The following FOXP4 variants were observed in gnomAD, a reference collection of about 807,000 sequenced individuals.
FOXP4 encodes forkhead box P4.
In FOXP4, 25 loss-of-function variants were observed where a neutral mutation model predicts 82.6. The observed-to-expected ratio is 0.30, with a 90% CI of 0.22 to 0.42. The LOEUF (loss-of-function observed/expected upper bound fraction) is 0.42. FOXP4 is among the 10% of genes least tolerant of loss of function. The pLI is 1.00. For missense variants in FOXP4, 785 were observed against 900.9 expected, an observed-to-expected ratio of 0.87 and a Z score of 1.65; for synonymous variants, 415 against 388.2, an observed-to-expected ratio of 1.07 and a Z score of -0.81.
At position 41,558,195 on chromosome 6, in the gene FOXP4, TCACAG is replaced by T. The variant is rs1764382161; in HGVS notation, c.-16-7549_-16-7545del. Among the ~76,000 whole-genome samples the T allele has an allele frequency of 6.6e-6, 1 of 152,114 alleles. No individual in the cohort carries two copies. Among genetic ancestry groups the T allele is most frequent in the African/African-American group, 2.4e-5 (1 of 41,408 alleles). On this transcript the variant is annotated intron_variant, in intron 1 of 16. Transcript: ENST00000307972. The surrounding 1 kb of genome is among the most constrained non-coding windows in gnomAD (Gnocchi z 4.0). The stretch of plus-strand genomic sequence containing the variant: ...AGAGGGATTAAGCCTACTCTCGAAC[TCACAG>T]AGCCCCATGTGTTTGGGGAGAGAAA...
intron 3 of FOXP4, 115 bp downstream of exon 3, chr6:41,578,196 G>T: frequency 1.2e-6 from 1 of 838,904 alleles, no homozygotes. Flanking sequence ...ACCAAAAAGT[G>T]GGCAACTTTT....
rs1767102211 is a variant in FOXP4 at position 41,599,654 on chromosome 6, C to T, written c.*718C>T. ...TGCTGGGGGCTCCTCCAGCCGCCCC[C>T]ATGGGAAGAGGCCTGGTACCGCCTC... On this transcript the variant is annotated 3_prime_UTR_variant, in exon 17 of 17. Coordinates refer to ENST00000307972, the MANE Select transcript of FOXP4 (RefSeq NM_001012426.2). The T allele has an allele frequency of 6.6e-6, 1 of 152,434 alleles. No homozygotes were observed. The highest frequency in any genetic ancestry group is 2.4e-5 in the African/African-American group (1 of 41,450). 9.4% of individuals were successfully genotyped at this position (152,434 alleles called of 1,614,324 possible).
At chr6:41,585,220 G>C (rs1453968478) in intron 4 of FOXP4, among the ~76,000 whole-genome samples, 6 of 152,160 alleles carry the variant, frequency 3.9e-5, no homozygotes, top group Non-Finnish European at 7.3e-5. Context: ...AGCAGGGAGG[G>C]TTCAGAGCTG....
At chr6:41,588,025 G>T (rs1581774543) in intron 8 of FOXP4, 128 bp downstream of exon 8, 3 of 623,514 alleles carry the variant, frequency 4.8e-6, no homozygotes, top group South Asian at 3.7e-5. Flanking sequence ...CACTCCAGAG[G>T]GTTCTAGTTC....
In FOXP4 at chr6:41,602,151, G is replaced by C. The variant is rs940424688; in HGVS notation, c.*3215G>C. ...CCTAATCCTCTGGACGCTTGTGTAGGGCCTGGGGTGAATTCCCTGTCCCCC... is the reference window on the plus strand; with the variant it reads ...CCTAATCCTCTGGACGCTTGTGTAGCGCCTGGGGTGAATTCCCTGTCCCCC... On this transcript the variant is annotated 3_prime_UTR_variant, in exon 17 of 17. Coordinates refer to ENST00000307972, the MANE Select transcript of FOXP4 (RefSeq NM_001012426.2). 2 of 152,232 alleles carry C rather than the reference G, an allele frequency of 1.3e-5. No homozygotes were observed. The highest frequency in any genetic ancestry group is 2.9e-5 in the Non-Finnish European group (2 of 68,072). The allele number at this position is 152,232 out of a possible 1,614,324, so 9.4% of individuals were successfully genotyped here. A position where few individuals can be genotyped will look rare whatever the true frequency, so the allele number is the denominator to read the frequency against.
chr6:41,577,013 C>A (rs1194766504), intron 2 of FOXP4, among the ~76,000 whole-genome samples: 1 of 152,092 alleles, frequency 6.6e-6, no homozygotes, highest in Admixed American at 6.5e-5. Context: ...CTTGACTGGC[C>A]TCATAGATAA....
intron 14 of FOXP4, among the ~76,000 whole-genome samples, chr6:41,595,595 A>T (rs1181321080): frequency 1.3e-5 from 2 of 151,792 alleles, no homozygotes; most frequent in African/African-American, 4.8e-5. Flanking sequence ...TTTTAATTTT[A>T]TTATTTTATT....
intron 2 of FOXP4, among the ~76,000 whole-genome samples, chr6:41,566,676 GA>G (rs1234908167): frequency 6.6e-6 from 1 of 152,144 alleles, no homozygotes; most frequent in Non-Finnish European, 1.5e-5. Flanking sequence ...CCCACCTGGG[GA>G]AAAAGGGAGA....
intron 3 of FOXP4, among the ~76,000 whole-genome samples, chr6:41,584,377 T>C (rs1303582263): frequency 6.6e-6 from 1 of 152,228 alleles, no homozygotes; most frequent in Non-Finnish European, 1.5e-5. Flanking sequence ...TCCCCATTAC[T>C]GGGGGGAACC....
intron 1 of FOXP4, 49 bp from the exon 2 acceptor site, chr6:41,565,694 CTT>C: frequency 6.6e-7 from 1 of 1,509,682 alleles, no homozygotes; most frequent in South Asian, 1.3e-5. Flanking sequence ...AGTCACTGCC[CTT>C]TCAGCCTTCA....
rs1263192863 is a variant in FOXP4 at position 41,593,347 on chromosome 6, C to T, written c.1537-1523C>T. ...GCATGGTGTGGGCCCAGCCAGCTGC[C>T]GTTCATCCAGGGACAGAGCTGCCAT... is the stretch of plus-strand genomic sequence containing the variant. On this transcript the variant is annotated intron_variant, in intron 13 of 16. Coordinates refer to ENST00000307972, the MANE Select transcript of FOXP4 (RefSeq NM_001012426.2). The surrounding 1 kb of genome is among the most constrained non-coding windows in gnomAD (Gnocchi z 4.1). 5.3e-5 allele frequency among the ~76,000 whole-genome samples: 8 copies of T among 152,272 alleles called. No homozygotes were observed. The South Asian group carries it at 1.0e-3, about 20-fold the overall frequency.
chr6:41,584,165 T>C (rs565638813), intron 3 of FOXP4, among the ~76,000 whole-genome samples: 1 of 152,338 alleles, frequency 6.6e-6, no homozygotes, highest in East Asian at 1.9e-4. Flanking sequence ...CTCTGTGGGC[T>C]TCACCTCTGG....
At chr6:41,553,311 T>C (rs1764100150) in intron 1 of FOXP4, among the ~76,000 whole-genome samples, 1 of 150,750 alleles carries the variant, frequency 6.6e-6, no homozygotes, top group Non-Finnish European at 1.5e-5. Context: ...TATCAATTAA[T>C]TGAATCTCGT....
chr6:41,578,518 G>T lies in FOXP4; in HGVS notation c.300+437G>T, dbSNP rs776126986. On this transcript the variant is annotated intron_variant, in intron 3 of 16. Coordinates refer to ENST00000307972, the MANE Select transcript of FOXP4 (RefSeq NM_001012426.2). Reference sequence around the variant, plus strand: ...TCTGTTGCTGCAGTCACGTCACCAAGTCCCCCCTTCTCTTATCCTCCCCCC... The same window carrying T: ...TCTGTTGCTGCAGTCACGTCACCAATTCCCCCCTTCTCTTATCCTCCCCCC... Among the ~76,000 whole-genome samples, 5 of 152,006 alleles carry T rather than the reference G, an allele frequency of 3.3e-5. No homozygotes were observed. In the East Asian group the frequency reaches 9.7e-4, roughly 29 times the overall value.
At chr6:41,563,076 G>A (rs1306509419) in intron 1 of FOXP4, among the ~76,000 whole-genome samples, 2 of 152,186 alleles carry the variant, frequency 1.3e-5, no homozygotes, top group Non-Finnish European at 2.9e-5. Flanking sequence ...GAACTTAGGA[G>A]TGGAGCAGTG....
intron 2 of FOXP4, among the ~76,000 whole-genome samples, chr6:41,572,636 T>C (rs559828723): frequency 1.3e-5 from 2 of 152,254 alleles, no homozygotes; most frequent in South Asian, 4.1e-4. Context: ...CCAGTGAAAA[T>C]TAATTATGGA....
chr6:41,591,760 C>G lies in FOXP4; in HGVS notation c.1536+438C>G, dbSNP rs541867768. ...CTAGGAAAGCGCAGGTATAGACACA[C>G]GGATGGACCAAGAGCCGTGGACCAC... On this transcript the variant is annotated intron_variant, in intron 13 of 16. Transcript: ENST00000307972. The surrounding 1 kb of genome is among the most constrained non-coding windows in gnomAD (Gnocchi z 4.2). 1.3e-5 allele frequency among the ~76,000 whole-genome samples: 2 copies of G among 152,176 alleles called. No homozygotes were observed. Among genetic ancestry groups the G allele is most frequent in the East Asian group, 1.9e-4 (1 of 5,192 alleles).
chr6:41,569,527 C>T (rs1300882059), intron 2 of FOXP4, among the ~76,000 whole-genome samples: 1 of 152,220 alleles, frequency 6.6e-6, no homozygotes, highest in Non-Finnish European at 1.5e-5. Flanking sequence ...TTAGGACTCT[C>T]TCTGATAGGG....
intron 2 of FOXP4, among the ~76,000 whole-genome samples, chr6:41,577,693 TAA>T (rs1765562675): frequency 6.6e-6 from 1 of 152,180 alleles, no homozygotes; most frequent in South Asian, 2.1e-4. Context: ...TATTTTCCTC[TAA>T]GAGTCCCTTT....
Sources: gnomAD v4.1 joint callset for allele counts (sites outside exome capture counted in the v4.1 genomes callset) on GRCh38, gnomAD v4.1.1 for gene constraint, Gnocchi (gnomAD v3.1) non-coding constraint, MANE v1.5 for transcripts, NCBI Gene and HGNC (gene_info 2026-07-23, HGNC 2026-07-21) for gene names.